Variants in BLVRA observed in about 807,000 individuals in gnomAD.
BLVRA encodes the protein BVR A.
In BLVRA, 22 loss-of-function variants were observed where a neutral mutation model predicts 32.8. That is an observed-to-expected ratio of 0.67 (90% confidence interval 0.48 to 0.96). The LOEUF (loss-of-function observed/expected upper bound fraction) is 0.96. Among genes scored for constraint, BLVRA ranks in the 40% least tolerant of loss-of-function variants. The probability of loss-of-function intolerance (pLI) is 0.00; values close to 1 mark genes in which losing one functional copy is unlikely to be tolerated. For missense variants in BLVRA, 323 were observed against 358.1 expected (o/e 0.90, Z 0.79); for synonymous variants, 119 against 141.3 (o/e 0.84, Z 1.12).
At chr7:43,804,489 T>A (rs1202048168) in intron 7 of BLVRA, among the ~76,000 whole-genome samples, 1 of 152,150 alleles carries the variant, frequency 6.6e-6, no homozygotes, top group Non-Finnish European at 1.5e-5. Context: ...TGACCTGATT[T>A]TTTTCCTGTG....
At chr7:43,791,196 G>C in intron 3 of BLVRA, 53 bp from the exon 4 acceptor site, 1 of 1,610,310 alleles carries the variant, frequency 6.2e-7, no homozygotes, top group Non-Finnish European at 8.5e-7. Flanking sequence ...GAAGGATGGT[G>C]CTCCTTTCTT....
At chr7:43,759,141 AGCTCGGCCGGGACCCGCCTGGGATG>A (rs2095739645) in intron 1 of BLVRA, among the ~76,000 whole-genome samples, 1 of 152,136 alleles carries the variant, frequency 6.6e-6, no homozygotes, top group Non-Finnish European at 1.5e-5. Context: ...CAGGGCCGCT[AGCTCGGCCGGGACCCGCCTGGGATG>A]CCCTGGGGTC....
At chr7:43,769,295 G>A (rs2095751806) in intron 1 of BLVRA, among the ~76,000 whole-genome samples, 1 of 152,154 alleles carries the variant, frequency 6.6e-6, no homozygotes, top group Non-Finnish European at 1.5e-5. Flanking sequence ...CTCCCACAGT[G>A]CTGGGATTAC....
At chr7:43,758,519 G>A (rs2095738626), upstream of BLVRA, among the ~76,000 whole-genome samples, 1 of 152,202 alleles carries the variant, frequency 6.6e-6, no homozygotes, top group Admixed American at 6.5e-5. Context: ...CCAGGGCACA[G>A]AGGCCAGGAT....
chr7:43,798,382 G>A (rs538545787), intron 5 of BLVRA, among the ~76,000 whole-genome samples: 1 of 151,990 alleles, frequency 6.6e-6, no homozygotes, highest in Non-Finnish European at 1.5e-5. Context: ...TATTTTGTGA[G>A]AAGGTAGTTT....
intron 2 of BLVRA, among the ~76,000 whole-genome samples, chr7:43,780,906 G>A (rs1442967788): frequency 6.6e-6 from 1 of 152,232 alleles, no homozygotes; most frequent in Non-Finnish European, 1.5e-5. Context: ...CAAAACTTTG[G>A]GAGGCCGAGG....
intron 2 of BLVRA, among the ~76,000 whole-genome samples, chr7:43,786,168 T>C (rs1024528953): frequency 6.6e-6 from 1 of 152,066 alleles, no homozygotes; most frequent in Non-Finnish European, 1.5e-5. Context: ...AAAACACATA[T>C]AGATTAAATG....
intron 1 of BLVRA, among the ~76,000 whole-genome samples, chr7:43,763,041 G>A (rs924735515): frequency 1.3e-5 from 2 of 152,192 alleles, no homozygotes; most frequent in South Asian, 4.1e-4. Context: ...AAGTTTATCA[G>A]TTGGGAATCC....
intron 3 of BLVRA, among the ~76,000 whole-genome samples, chr7:43,789,495 A>G (rs1369176980): frequency 6.6e-6 from 1 of 152,138 alleles, no homozygotes; most frequent in Non-Finnish European, 1.5e-5. Context: ...CAAAGTTAAG[A>G]TCAGGCAGCA....
At chr7:43,793,238 A>G (rs957728025) in intron 5 of BLVRA, among the ~76,000 whole-genome samples, 2 of 151,908 alleles carry the variant, frequency 1.3e-5, no homozygotes, top group Non-Finnish European at 2.9e-5. Flanking sequence ...AATATTTAGT[A>G]TATGCTAGGA....
At chr7:43,766,693 C>T (rs941697548) in intron 1 of BLVRA, among the ~76,000 whole-genome samples, 1 of 152,074 alleles carries the variant, frequency 6.6e-6, no homozygotes, top group Non-Finnish European at 1.5e-5. Context: ...TGCATCTTAT[C>T]GTAAGGGGGA....
chr7:43,792,757 C>A lies in BLVRA; in HGVS notation c.297C>A (p.Pro99=), dbSNP rs2095787595. The A allele has an allele frequency of 6.2e-7, 1 of 1,614,098 alleles. No homozygotes were observed. The highest frequency in any genetic ancestry group is 1.7e-5 in the Admixed American group (1 of 60,012). Residue 99 remains proline (P), a synonymous_variant, in exon 5 of 8, where the codon CCC becomes CCA. Transcript: ENST00000265523. ...NAGKHVLVEY[P]MTLSLAAAQE... ...GCAAGCACGTCCTTGTGGAATACCC[C>A]ATGACACTGTCATTGGCGGCCGCTC...
intron 2 of BLVRA, among the ~76,000 whole-genome samples, chr7:43,781,578 C>T (rs958819495): frequency 1.3e-5 from 2 of 152,152 alleles, no homozygotes; most frequent in Non-Finnish European, 2.9e-5. Context: ...CTCAAGTGAC[C>T]CAAATGCCTC....
In BLVRA at chr7:43,797,096, T is replaced by G. The variant is rs1305795822; in HGVS notation, c.353-3369T>G. Among the ~76,000 whole-genome samples, 3 of 152,286 alleles carry G rather than the reference T, an allele frequency of 2.0e-5. No homozygotes were observed. In the East Asian group the frequency reaches 5.8e-4, roughly 29 times the overall value. The stretch of plus-strand genomic sequence containing the variant: ...ATGGAGGATCAGATGGTAGCATTTT[T>G]TGTTTGTTTTTGTTTTTTGGTTTTT... On this transcript the variant is annotated intron_variant, in intron 5 of 7. Transcript: ENST00000265523.
intron 2 of BLVRA, among the ~76,000 whole-genome samples, chr7:43,783,108 T>C (rs2095772085): frequency 6.6e-6 from 1 of 152,194 alleles, no homozygotes; most frequent in African/African-American, 2.4e-5. Context: ...AGCCCTCTGA[T>C]ATTTATGTCT....
intron 3 of BLVRA, 104 bp from the exon 4 acceptor site, chr7:43,791,145 T>C (rs1487470599): frequency 2.5e-6 from 4 of 1,570,274 alleles, no homozygotes; most frequent in East Asian, 4.5e-5. Context: ...CATTTCTTCA[T>C]TTCTGGCAGC....
At chr7:43,768,771 C>T (rs2095751015) in intron 1 of BLVRA, among the ~76,000 whole-genome samples, 1 of 152,084 alleles carries the variant, frequency 6.6e-6, no homozygotes, top group Non-Finnish European at 1.5e-5. Context: ...GAGGGCATCT[C>T]TGTGGGGCCT....
At chr7:43,801,886 G>C (rs772626400) in intron 6 of BLVRA, among the ~76,000 whole-genome samples, 1 of 152,050 alleles carries the variant, frequency 6.6e-6, no homozygotes, top group Non-Finnish European at 1.5e-5. Context: ...TGTAATTCCA[G>C]CACTTGGGGA....
chr7:43,758,244 C>T (rs2095738145), upstream of BLVRA, among the ~76,000 whole-genome samples: 1 of 147,426 alleles, frequency 6.8e-6, no homozygotes, highest in African/African-American at 2.4e-5. Flanking sequence ...TTCAGTCGGC[C>T]CGGGGCCACT....
Sources: gnomAD v4.1 joint callset for allele counts (sites outside exome capture counted in the v4.1 genomes callset) on GRCh38, gnomAD v4.1.1 for gene constraint, MANE v1.5 for transcripts, NCBI Gene and HGNC (gene_info 2026-07-23, HGNC 2026-07-21) for gene names.